MYH7B: variants seen among roughly 807,000 people sequenced by gnomAD.
MYH7B encodes myosin-7B.
MYH7B carries 205 observed loss-of-function variants against 234.5 expected under a neutral mutation model. The ratio of observed to expected loss-of-function variants is 0.87; its 90% CI spans 0.78 to 0.98. The LOEUF (loss-of-function observed/expected upper bound fraction) is 0.98. MYH7B is among the 50% of genes least tolerant of loss of function. The probability of loss-of-function intolerance (pLI) is 0.00; values close to 1 mark genes in which losing one functional copy is unlikely to be tolerated. For synonymous variants in MYH7B, 1,193 were observed against 1,105.0 expected, an observed-to-expected ratio of 1.08 and a Z score of -1.58; for missense variants, 2,652 against 2,633.4, an observed-to-expected ratio of 1.01 and a Z score of -0.15.
rs1175721703 is a variant in MYH7B, at chr20:34,982,506, A to G, written c.575A>G (p.Gln192Arg). ...ACGGTTAACACCAAGCGGGTCATTCAGTACTTTGCCATCGTCGCTGCCCTG... is the reference window on the plus strand; with the variant it reads ...ACGGTTAACACCAAGCGGGTCATTCGGTACTTTGCCATCGTCGCTGCCCTG... Residue 192 changes from glutamine to arginine, a missense_variant, in exon 10 of 45, where the codon CAG becomes CGG. Gln to Arg is a conservative substitution (Grantham distance 43). Coordinates refer to ENST00000262873, the Ensembl canonical transcript of MYH7B. 7 of 1,613,152 alleles carry G rather than the reference A, an allele frequency of 4.3e-6. No individual in the cohort carries two copies. The highest frequency in any genetic ancestry group is 1.3e-5 in the African/African-American group (1 of 74,826).
intron 2 of MYH7B, among the ~76,000 whole-genome samples, chr20:34,966,788 T>A (rs889029478): frequency 2.0e-5 from 3 of 152,146 alleles, no homozygotes; most frequent in Non-Finnish European, 4.4e-5. Context: ...TGGCTAGGCA[T>A]GGTGAGGCAC....
At chr20:35,000,302 C>T (rs775638080) in exon 39 of MYH7B, 21 of 1,577,886 alleles carry the variant, frequency 1.3e-5, no homozygotes, top group East Asian at 6.7e-5. Flanking sequence ...GGCGCAACCA[C>T]CAGCGAGCTG....
At chr20:34,986,319 C>T in intron 14 of MYH7B, 121 bp downstream of exon 14, 1 of 743,688 alleles carries the variant, frequency 1.3e-6, no homozygotes, top group East Asian at 2.7e-5. Context: ...GGTCTGTGGC[C>T]TCTCTTCCTT....
At position 34,987,219 on chromosome 20, in the gene MYH7B, T is replaced by C. The variant is rs766729726; in HGVS notation, c.1079T>C (p.Leu360Pro). 1 of 1,612,464 alleles carries C rather than the reference T, an allele frequency of 6.2e-7. No homozygotes were observed. The highest frequency in any genetic ancestry group is 8.5e-7 in the Non-Finnish European group (1 of 1,180,002). Reference sequence around the variant, plus strand: ...TGCTATAAGATCGTGGGCGCCCTCCTGCACTTTGGCAACATGAAGTTCAAG... The same window carrying C: ...TGCTATAAGATCGTGGGCGCCCTCCCGCACTTTGGCAACATGAAGTTCAAG... Residue 360 changes from leucine (L) to proline (P), a missense_variant, in exon 16 of 45, where the codon CTG becomes CCG. By Grantham distance (98) the Leu-to-Pro change is moderately conservative. This residue lies in a region of MYH7B where 2,279 missense variants were observed against 2,211.4 expected (regional missense o/e 1.03). Coordinates refer to ENST00000262873, the Ensembl canonical transcript of MYH7B.
chr20:34,999,252 C>T (rs771512439), exon 36 of MYH7B: 64 of 1,604,314 alleles, frequency 4.0e-5, no homozygotes, highest in Middle Eastern at 1.6e-4. Context: ...ACTGGAGGAA[C>T]GGCGGCGGCA....
chr20:34,997,629 A>G lies in MYH7B; in HGVS notation c.3736A>G (p.Thr1246Ala). ...CCTGGCTGCCAACGTGGAGACTCTG[A>G]CCCGCGCCAAGGTGTCCGTGCCTTC... The change falls in exon 32 of 45, where the codon ACC becomes GCC. Residue 1246 changes from threonine to alanine, a missense_variant. Thr to Ala is a moderately conservative substitution (Grantham distance 58). Coordinates refer to ENST00000262873, the Ensembl canonical transcript of MYH7B. The G allele has an allele frequency of 5.0e-6, 8 of 1,613,270 alleles. No individual in the cohort carries two copies. Among genetic ancestry groups the G allele is most frequent in the African/African-American group, 1.3e-5 (1 of 74,894 alleles).
intron 9 of MYH7B, 145 bp from the exon 10 acceptor site, chr20:34,982,314 T>C: frequency 1.4e-6 from 1 of 689,894 alleles, no homozygotes; most frequent in Non-Finnish European, 2.6e-6. Context: ...GCTTGCTTTG[T>C]ACACCTCTGA....
chr20:35,000,334 T>A (rs761947205), exon 39 of MYH7B: 2 of 1,595,844 alleles, frequency 1.3e-6, no homozygotes, highest in Non-Finnish European at 1.7e-6. Flanking sequence ...CAGGCCTCCC[T>A]GGATGCAGAG....
In MYH7B at chr20:34,988,077, C is replaced by T; in HGVS notation, c.1417-15C>T. The T allele has an allele frequency of 6.2e-7, 1 of 1,606,620 alleles. No homozygotes were observed. The highest frequency in any genetic ancestry group is 8.5e-7 in the Non-Finnish European group (1 of 1,175,362). ...CTGCGAGAGGTCTGCTGAGCCAGGC[C>T]CCTCCCTCTTGTAGTTCAACAGCTT... On this transcript the variant is annotated splice_polypyrimidine_tract_variant and intron_variant, in intron 18 of 44. Transcript: ENST00000262873.
chr20:34,985,175 C>T (rs756098476), intron 13 of MYH7B, 46 bp downstream of exon 13: 1 of 1,582,690 alleles, frequency 6.3e-7, no homozygotes, highest in Non-Finnish European at 8.7e-7. Flanking sequence ...AGGCCTGAGC[C>T]CGGTCACCCC....
intron 15 of MYH7B, 50 bp from the exon 16 acceptor site, chr20:34,987,099 C>A: frequency 1.9e-6 from 3 of 1,610,722 alleles, no homozygotes; most frequent in Non-Finnish European, 2.5e-6. Context: ...CTGGCTGGAC[C>A]CTGGAGGAGC....
At chr20:34,984,191 G>A (rs957324212) in intron 10 of MYH7B, among the ~76,000 whole-genome samples, 4 of 152,226 alleles carry the variant, frequency 2.6e-5, no homozygotes, top group South Asian at 4.1e-4. Flanking sequence ...AGGTATACAG[G>A]CAGACAAACA....
At chr20:34,969,759 G>A (rs1041247282) in intron 2 of MYH7B, among the ~76,000 whole-genome samples, 2 of 151,944 alleles carry the variant, frequency 1.3e-5, no homozygotes, top group Admixed American at 6.6e-5. Flanking sequence ...TGGCCAGACT[G>A]GTCTTAAACT....
chr20:34,977,791 C>T (rs759698952), intron 4 of MYH7B, 111 bp downstream of exon 4: 59 of 1,510,438 alleles, frequency 3.9e-5, no homozygotes, highest in Non-Finnish European at 5.2e-5. Flanking sequence ...TGGAGGAAGC[C>T]CTGGTGTTTG....
intron 6 of MYH7B, 37 bp from the exon 7 acceptor site, chr20:34,979,624 C>T (rs755929335): frequency 6.2e-7 from 1 of 1,613,300 alleles, no homozygotes; most frequent in Non-Finnish European, 8.5e-7. Flanking sequence ...GTCGGTTCCT[C>T]CCGGTCCCCC....
At position 34,984,682 on chromosome 20, in the gene MYH7B, CT is replaced by C; in HGVS notation, c.625-8del. ...CTGGCCCTCTAATGTTGTCTGTCTTCTTCCCCCAGCAATTTCTGGCAACAAA... is the reference window on the plus strand; with the variant it reads ...CTGGCCCTCTAATGTTGTCTGTCTTCTCCCCCAGCAATTTCTGGCAACAAA... On this transcript the variant is annotated splice_polypyrimidine_tract_variant and intron_variant, in intron 10 of 44. Transcript: ENST00000262873. 1 of 1,575,418 alleles carries C rather than the reference CT, an allele frequency of 6.3e-7. No individual in the cohort carries two copies.
At chr20:34,960,836 T>C (rs530096255) in intron 2 of MYH7B, among the ~76,000 whole-genome samples, 1 of 152,370 alleles carries the variant, frequency 6.6e-6, no homozygotes, top group South Asian at 2.1e-4. Flanking sequence ...ATGCTAGGCC[T>C]GTCCCTGACA....
At chr20:34,996,279 G>C in intron 28 of MYH7B, 67 bp from the exon 29 acceptor site, 1 of 1,519,254 alleles carries the variant, frequency 6.6e-7, no homozygotes, top group South Asian at 1.2e-5. Flanking sequence ...CTCTGACCTG[G>C]TGTGGTGTGG....
At position 34,999,298 on chromosome 20, in the gene MYH7B, AGAGG is replaced by A. The variant is rs2147239586; in HGVS notation, c.4437_4440del (p.Arg1479SerfsTer44). The A allele has an allele frequency of 6.3e-7, 1 of 1,587,390 alleles. No homozygotes were observed. Among genetic ancestry groups the A allele is most frequent in the African/African-American group, 1.3e-5 (1 of 74,730 alleles). ...ATGCAGCGGGAGCTGGAGGCGGCACAGAGGGAGTCCCGTGGCCTGGGCACCGAGC... is the reference window on the plus strand; with the variant it reads ...ATGCAGCGGGAGCTGGAGGCGGCACAGAGTCCCGTGGCCTGGGCACCGAGC... On this transcript the variant is annotated frameshift_variant, in exon 36 of 45. Coordinates refer to ENST00000262873, the Ensembl canonical transcript of MYH7B. LOFTEE classifies it high-confidence loss of function.
Sources: gnomAD v4.1 joint callset for allele counts (sites outside exome capture counted in the v4.1 genomes callset) on GRCh38, gnomAD v4.1.1 for gene constraint, gnomAD v4.1.1 regional missense constraint, MANE v1.5 for transcripts, NCBI Gene and HGNC (gene_info 2026-07-23, HGNC 2026-07-21) for gene names.